The following SLC25A23 variants were observed in gnomAD, a reference collection of about 807,000 sequenced individuals.
The protein encoded by SLC25A23 is solute carrier family 25 member 23, also known as mitochondrial adenyl nucleotide antiporter SLC25A23.
In SLC25A23, 32 loss-of-function variants were observed where a neutral mutation model predicts 53.9. That is an observed-to-expected ratio of 0.59 (90% confidence interval 0.45 to 0.80). The LOEUF is 0.80. SLC25A23 is among the 30% of genes least tolerant of loss of function. SLC25A23 has a pLI of 0.00. For missense variants in SLC25A23, 575 were observed against 651.4 expected (o/e 0.88, Z 1.28); for synonymous variants, 275 against 264.5 (o/e 1.04, Z -0.38).
intron 8 of SLC25A23, among the ~76,000 whole-genome samples, chr19:6,448,523 G>T (rs936211177): frequency 1.3e-5 from 2 of 151,618 alleles, no homozygotes; most frequent in African/African-American, 2.4e-5. Context: ...CAGGGTGGAG[G>T]GCAGTGGCGC....
At position 6,442,164 on chromosome 19, in the gene SLC25A23, G is replaced by GGT; in HGVS notation, c.1223-6_1223-5insAC. 2.7e-6 allele frequency: 4 copies of GGT among 1,497,530 alleles called. No individual in the cohort carries two copies. Among genetic ancestry groups the GGT allele is most frequent in the Non-Finnish European group, 3.6e-6 (4 of 1,111,160 alleles). 92.8% of individuals were successfully genotyped at this position (1,497,530 alleles called of 1,614,324 possible). On this transcript the variant is annotated splice_region_variant and splice_polypyrimidine_tract_variant and intron_variant, in intron 9 of 9. Coordinates refer to ENST00000301454, the MANE Select transcript of SLC25A23 (RefSeq NM_024103.3). Reference sequence around the variant, plus strand: ...GGGGGCCACCCTCGATGGAGGCTGGGAGGGGGCGGGGGGGGCACCAGGTAA... The same window carrying GGT: ...GGGGGCCACCCTCGATGGAGGCTGGGGTAGGGGGCGGGGGGGGCACCAGGTAA...
At position 6,454,360 on chromosome 19, in the gene SLC25A23, G is replaced by A. The variant is rs2092643170; in HGVS notation, c.758C>T (p.Ala253Val). ...CATGAACTTGATAGCTGACTCGGGG[G>A]CAATCTTGAGTACATTAATACCATT... ...RGNGINVLKI[A>V]PESAIKFMAY... is the part of the protein sequence containing the mutation. The change falls in exon 6 of 10, where the codon GCC becomes GTC. Residue 253 changes from alanine to valine, a missense_variant. By Grantham distance (64) the Ala-to-Val change is moderately conservative. Coordinates refer to ENST00000301454, the MANE Select transcript of SLC25A23 (RefSeq NM_024103.3). The surrounding 1 kb of genome is among the most constrained non-coding windows in gnomAD (Gnocchi z 4.3). The A allele has an allele frequency of 1.2e-6, 2 of 1,614,138 alleles. No individual in the cohort carries two copies. Among genetic ancestry groups the A allele is most frequent in the Non-Finnish European group, 1.7e-6 (2 of 1,180,004 alleles).
rs1029858110 is a variant in SLC25A23 at position 6,440,541 on chromosome 19, G to A, written c.*1434C>T. 7 of 151,228 alleles carry A rather than the reference G, an allele frequency of 4.6e-5. No homozygotes were observed. The East Asian group carries it at 5.8e-4, about 13-fold the overall frequency. 9.4% of individuals were successfully genotyped at this position (151,228 alleles called of 1,614,324 possible). A position where few individuals can be genotyped will look rare whatever the true frequency, so the allele number is the denominator to read the frequency against. ...AGCCTCCAGGAGTGAGTGATTCCTCGGACCCCTTGGAGGAACACAGCTCTG... is the reference window on the plus strand; with the variant it reads ...AGCCTCCAGGAGTGAGTGATTCCTCAGACCCCTTGGAGGAACACAGCTCTG... On this transcript the variant is annotated 3_prime_UTR_variant, in exon 10 of 10. Coordinates refer to ENST00000301454, the MANE Select transcript of SLC25A23 (RefSeq NM_024103.3).
rs987389463 is a variant in SLC25A23, at chr19:6,441,777, T to C, written c.*198A>G. On this transcript the variant is annotated 3_prime_UTR_variant, in exon 10 of 10. Coordinates refer to ENST00000301454, the MANE Select transcript of SLC25A23 (RefSeq NM_024103.3). ...GGGTGGGGATCGCATGACCCAGTGG[T>C]TGGGGCATAGGAGTCTAGGATCCAG... 161 of 538,480 alleles carry C rather than the reference T, an allele frequency of 3.0e-4. 1 individual carries two copies. Among genetic ancestry groups the C allele is most frequent in the South Asian group, 1.5e-3 (64 of 43,786 alleles). 33.4% of individuals were successfully genotyped at this position (538,480 alleles called of 1,614,324 possible). A position where few individuals can be genotyped will look rare whatever the true frequency, so the allele number is the denominator to read the frequency against.
At chr19:6,449,921 C>A (rs1166485831) in intron 8 of SLC25A23, among the ~76,000 whole-genome samples, 1 of 143,954 alleles carries the variant, frequency 6.9e-6, no homozygotes, top group Non-Finnish European at 1.5e-5. Context: ...TGCAAGAACT[C>A]GGCTCACTGC....
Position 6,455,169 on chromosome 19 carries a change from G to T in SLC25A23, c.484-452C>A, listed in dbSNP as rs910774019. Among the ~76,000 whole-genome samples, 3 of 152,124 alleles carry T rather than the reference G, an allele frequency of 2.0e-5. No homozygotes were observed. The East Asian group carries it at 5.8e-4, about 29-fold the overall frequency. The stretch of plus-strand genomic sequence containing the variant: ...TGCCTGTAGTCCCAGCTACTCAGGA[G>T]GCCAAGATGGGAGGATTGCTTGAGC... On this transcript the variant is annotated intron_variant, in intron 4 of 9. Coordinates refer to ENST00000301454, the MANE Select transcript of SLC25A23 (RefSeq NM_024103.3).
downstream of SLC25A23, among the ~76,000 whole-genome samples, chr19:6,439,258 C>A (rs767115598): frequency 6.6e-6 from 1 of 151,694 alleles, no homozygotes; most frequent in African/African-American, 2.4e-5. Flanking sequence ...CGTGTGCCTG[C>A]GGTCCCTGTG....
At chr19:6,453,637 G>A (rs2092627187) in intron 7 of SLC25A23, among the ~76,000 whole-genome samples, 1 of 152,178 alleles carries the variant, frequency 6.6e-6, no homozygotes, top group Non-Finnish European at 1.5e-5. Flanking sequence ...AGCTAGCACA[G>A]TCTATCCTTA....
intron 8 of SLC25A23, among the ~76,000 whole-genome samples, chr19:6,450,581 G>T (rs1388429780): frequency 6.6e-6 from 1 of 152,226 alleles, no homozygotes; most frequent in African/African-American, 2.4e-5. Context: ...TAGATGGTCA[G>T]TAAATAGTCA....
chr19:6,446,760 G>T (rs180903064), intron 8 of SLC25A23, among the ~76,000 whole-genome samples: 2 of 152,080 alleles, frequency 1.3e-5, no homozygotes, highest in African/African-American at 4.8e-5. Context: ...CCCTCCTTTG[G>T]GGGGGAACAT....
intron 8 of SLC25A23, among the ~76,000 whole-genome samples, chr19:6,445,426 G>A (rs747987662): frequency 1.3e-5 from 2 of 152,160 alleles, no homozygotes; most frequent in Admixed American, 6.6e-5. Flanking sequence ...CCTTCTAAGA[G>A]TTAGAAAAGT....
chr19:6,437,331 T>C (rs957906747), downstream of SLC25A23, among the ~76,000 whole-genome samples: 1 of 152,062 alleles, frequency 6.6e-6, no homozygotes, highest in African/African-American at 2.4e-5. Context: ...TTTTCCACAA[T>C]AAATTTGAAT....
rs572347982 is a variant in SLC25A23 at position 6,458,113 on chromosome 19, C to T, written c.283+85G>A. On this transcript the variant is annotated intron_variant, in intron 2 of 9. Coordinates refer to ENST00000301454, the MANE Select transcript of SLC25A23 (RefSeq NM_024103.3). Reference sequence around the variant, plus strand: ...AGCGGCCCTCCCCCTCTCCTCCTAGCGCTGCCAGTTCTAACCCCACTGATG... The same window carrying T: ...AGCGGCCCTCCCCCTCTCCTCCTAGTGCTGCCAGTTCTAACCCCACTGATG... 2.0e-5 allele frequency: 31 copies of T among 1,516,524 alleles called. No individual in the cohort carries two copies. The East Asian group carries it at 2.0e-4, about 10-fold the overall frequency. The allele number at this position is 1,516,524 out of a possible 1,614,324, so 93.9% of individuals were successfully genotyped here.
At position 6,459,431 on chromosome 19, in the gene SLC25A23, G is replaced by A. The variant is rs775430389; in HGVS notation, c.156+42C>T. On this transcript the variant is annotated intron_variant, in intron 1 of 9. Transcript: ENST00000301454. The surrounding 1 kb of genome is among the most constrained non-coding windows in gnomAD (Gnocchi z 4.6). ...TCAGGGGCTTGGGTAACCGGGAGCG[G>A]GCGGGGCCGGGAGGGGAGGAGGTCC... is the stretch of plus-strand genomic sequence containing the variant. 4 of 1,537,528 alleles carry A rather than the reference G, an allele frequency of 2.6e-6. No homozygotes were observed. In the East Asian group the frequency reaches 9.8e-5, roughly 38 times the overall value.
At position 6,454,702 on chromosome 19, in the gene SLC25A23, C is replaced by T. The variant is rs2092651403; in HGVS notation, c.499G>A (p.Glu167Lys). 5.0e-6 allele frequency: 8 copies of T among 1,613,954 alleles called. No homozygotes were observed. The highest frequency in any genetic ancestry group is 1.1e-5 in the South Asian group (1 of 91,072). ...WKHSTVLDIG[E>K]CLTVPDEFSK... is the part of the protein sequence containing the mutation. Reference sequence around the variant, plus strand: ...AACTCGTCCGGCACTGTCAGGCACTCGCCAATGTCCAGGACCTAAAGATAC... The same window carrying T: ...AACTCGTCCGGCACTGTCAGGCACTTGCCAATGTCCAGGACCTAAAGATAC... Residue 167 changes from glutamate to lysine, a missense_variant, in exon 5 of 10, where the codon GAG (glutamate) becomes AAG (lysine). By Grantham distance (56) the Glu-to-Lys change is moderately conservative. Transcript: ENST00000301454. This position sits in a 1 kb window ranked among gnomAD's most constrained non-coding sequence, Gnocchi z 4.3.
In SLC25A23 at chr19:6,453,990, G is replaced by A; in HGVS notation, c.894C>T (p.Tyr298=). 1.2e-6 allele frequency: 2 copies of A among 1,612,778 alleles called. No homozygotes were observed. Among genetic ancestry groups the A allele is most frequent in the Non-Finnish European group, 1.7e-6 (2 of 1,179,658 alleles). ...LAGATAQTII[Y]PMEVLKTRLT... is the part of the protein sequence containing the mutation. ...GGTCCCTCCTTCTCACCTCCATAGG[G>A]TAAATGATGGTTTGGGCTGTGGCAC... Residue 298 remains tyrosine, a synonymous_variant, in exon 7 of 10, where the codon TAC becomes TAT. Transcript: ENST00000301454.
At chr19:6,456,147 C>T (rs1419903843) in intron 4 of SLC25A23, 3 of 1,418,086 alleles carry the variant, frequency 2.1e-6, no homozygotes, top group South Asian at 1.3e-5. Flanking sequence ...CTCTTTCTTC[C>T]CTGTACCCGC....
chr19:6,442,171 C>CG lies in SLC25A23; in HGVS notation c.1223-13dup, dbSNP rs137977466. The CG allele has an allele frequency of 0.025, 14,970 of 597,428 alleles. 1,503 individuals carry two copies. In the African/African-American group the frequency reaches 0.25, roughly 10 times the overall value. The allele number at this position is 597,428 out of a possible 1,614,324, so 37.0% of individuals were successfully genotyped here. ...ACCCTCGATGGAGGCTGGGAGGGGG[C>CG]GGGGGGGGCACCAGGTAAGGCCAAC... is the stretch of plus-strand genomic sequence containing the variant. On this transcript the variant is annotated splice_polypyrimidine_tract_variant and intron_variant, in intron 9 of 9. Transcript: ENST00000301454.
chr19:6,452,254 T>A, intron 8 of SLC25A23, 58 bp downstream of exon 8: 1 of 1,556,068 alleles, frequency 6.4e-7, no homozygotes, highest in Non-Finnish European at 8.7e-7. Context: ...GGGGAAGGGG[T>A]GTCCTGTGGG....
Sources: gnomAD v4.1 joint callset for allele counts (sites outside exome capture counted in the v4.1 genomes callset) on GRCh38, gnomAD v4.1.1 for gene constraint, Gnocchi (gnomAD v3.1) non-coding constraint, MANE v1.5 for transcripts, NCBI Gene and HGNC (gene_info 2026-07-23, HGNC 2026-07-21) for gene names.